AGO3: variants seen among roughly 807,000 people sequenced by gnomAD.
AGO3 encodes the protein argonaute RISC catalytic component 3, also known as protein argonaute-3.
Under a neutral mutation model 105.5 loss-of-function variants are expected in AGO3, and 16 were observed. The ratio of observed to expected loss-of-function variants is 0.15; its 90% CI spans 0.10 to 0.23. The LOEUF is 0.23. AGO3 is among the 10% of genes least tolerant of loss of function. The pLI is 1.00. For missense variants in AGO3, 534 were observed against 1,088.0 expected (o/e 0.49, Z 7.16); for synonymous variants, 340 against 367.3 (o/e 0.93, Z 0.85).
chr1:36,054,804 C>T (rs924422442), intron 17 of AGO3, 142 bp from the exon 18 acceptor site: 21 of 716,240 alleles, frequency 2.9e-5, no homozygotes, highest in Non-Finnish European at 4.7e-5. Context: ...ATCTTTTGAG[C>T]CCCAGAGGTG....
chr1:36,036,841 C>T (rs1642032359), intron 14 of AGO3, among the ~76,000 whole-genome samples: 1 of 152,038 alleles, frequency 6.6e-6, no homozygotes, highest in South Asian at 2.1e-4. Context: ...ATTACAGGCA[C>T]CTGCCACCAT....
chr1:35,935,122 A>T (rs764881750), intron 1 of AGO3, among the ~76,000 whole-genome samples: 3 of 152,214 alleles, frequency 2.0e-5, no homozygotes, highest in Non-Finnish European at 2.9e-5. Context: ...TAAAAAAAAT[A>T]TATTTATTGC....
At chr1:36,039,221 T>TGCGGTG (rs952028109) in intron 14 of AGO3, among the ~76,000 whole-genome samples, 4 of 151,950 alleles carry the variant, frequency 2.6e-5, no homozygotes, top group Admixed American at 6.6e-5. Flanking sequence ...GTAGGCTGGG[T>TGCGGTG]GCGGTGGCTC....
At chr1:36,044,601 T>G (rs1049746876) in intron 17 of AGO3, among the ~76,000 whole-genome samples, 1 of 151,802 alleles carries the variant, frequency 6.6e-6, no homozygotes, top group Non-Finnish European at 1.5e-5. Context: ...ACCCAGTAAT[T>G]TTTTTATTTT....
At chr1:35,979,130 C>T (rs865928042) in intron 5 of AGO3, among the ~76,000 whole-genome samples, 7 of 152,082 alleles carry the variant, frequency 4.6e-5, no homozygotes, top group Middle Eastern at 3.4e-3. Context: ...TTTGGGAGGC[C>T]GAGGCGGGCG....
intron 6 of AGO3, among the ~76,000 whole-genome samples, chr1:36,007,412 A>T (rs1208313971): frequency 6.6e-6 from 1 of 152,152 alleles, no homozygotes; most frequent in Non-Finnish European, 1.5e-5. Context: ...TAATTAAAAT[A>T]AAGGCCGGGC....
intron 2 of AGO3, among the ~76,000 whole-genome samples, chr1:35,958,875 T>C (rs716926): frequency 0.24 from 36,272 of 152,166 alleles, 7,145 homozygotes; most frequent in East Asian, 0.71. Flanking sequence ...TTTGTTATAC[T>C]TTAGCAATCT....
intron 2 of AGO3, among the ~76,000 whole-genome samples, chr1:35,966,745 C>G (rs766655706): frequency 2.0e-5 from 3 of 152,168 alleles, no homozygotes; most frequent in Non-Finnish European, 2.9e-5. Context: ...TCGCTTCATT[C>G]TTCTCTGTCT....
chr1:35,988,440 GCCTCAGC>G (rs1647316607), intron 5 of AGO3, among the ~76,000 whole-genome samples: 1 of 152,014 alleles, frequency 6.6e-6, no homozygotes, highest in Non-Finnish European at 1.5e-5. Flanking sequence ...CTCACCATTT[GCCTCAGC>G]CCTCAGCCCT....
intron 3 of AGO3, among the ~76,000 whole-genome samples, chr1:35,970,065 A>G (rs538542396): frequency 6.6e-6 from 1 of 151,984 alleles, no homozygotes; most frequent in African/African-American, 2.4e-5. Context: ...GGTTTATTTT[A>G]TGTTTTCTCT....
intron 3 of AGO3, among the ~76,000 whole-genome samples, chr1:35,971,635 C>T (rs1646873031): frequency 6.6e-6 from 1 of 151,874 alleles, no homozygotes; most frequent in Non-Finnish European, 1.5e-5. Context: ...TTTCTTTTTG[C>T]AGAAGTAAGC....
intron 5 of AGO3, among the ~76,000 whole-genome samples, chr1:35,994,466 C>T (rs1369983851): frequency 6.6e-6 from 1 of 152,102 alleles, no homozygotes; most frequent in Non-Finnish European, 1.5e-5. Flanking sequence ...CACTTTTGCC[C>T]TAAATTCAAG....
At chr1:36,006,097 G>A (rs896391306) in intron 6 of AGO3, among the ~76,000 whole-genome samples, 2 of 150,504 alleles carry the variant, frequency 1.3e-5, no homozygotes, top group Non-Finnish European at 3.0e-5. Flanking sequence ...TTCATTCCAA[G>A]TAAAATAGGG....
In AGO3 at chr1:36,063,954, C is replaced by T. The variant is rs79577897; in HGVS notation, c.*8209C>T. ...TAGAGATGGGGGTCACTATACTGCCCAGGCTGGTCTTGAACTCCTAAGCTC... is the reference window on the plus strand; with the variant it reads ...TAGAGATGGGGGTCACTATACTGCCTAGGCTGGTCTTGAACTCCTAAGCTC... On this transcript the variant is annotated 3_prime_UTR_variant, in exon 19 of 19. Coordinates refer to ENST00000373191, the MANE Select transcript of AGO3 (RefSeq NM_024852.4). 0.07 allele frequency: 10,602 copies of T among 152,250 alleles called. 1,741 individuals carry two copies. The highest frequency in any genetic ancestry group is 0.66 in the East Asian group (3,401 of 5,152). 9.4% of individuals were successfully genotyped at this position (152,250 alleles called of 1,614,324 possible).
At chr1:36,037,490 C>CA (rs1642063732) in intron 14 of AGO3, among the ~76,000 whole-genome samples, 1 of 151,932 alleles carries the variant, frequency 6.6e-6, no homozygotes, top group Non-Finnish European at 1.5e-5. Flanking sequence ...CACTGCACTC[C>CA]AGCCTGGGTG....
intron 4 of AGO3, 107 bp downstream of exon 4, chr1:35,972,339 C>A: frequency 1.6e-6 from 2 of 1,262,858 alleles, no homozygotes; most frequent in Non-Finnish European, 2.2e-6. Context: ...GATTGTTCAA[C>A]TGAAATGTTG....
At chr1:36,050,903 A>C (rs1052178371) in intron 17 of AGO3, among the ~76,000 whole-genome samples, 1 of 151,978 alleles carries the variant, frequency 6.6e-6, no homozygotes, top group East Asian at 1.9e-4. Context: ...CATGGCTCAC[A>C]GGAACCTTCG....
intron 11 of AGO3, among the ~76,000 whole-genome samples, chr1:36,016,927 G>A (rs1640934522): frequency 6.6e-6 from 1 of 152,046 alleles, no homozygotes; most frequent in Non-Finnish European, 1.5e-5. Context: ...CAAAACAATG[G>A]CCTCCCACAA....
intron 17 of AGO3, among the ~76,000 whole-genome samples, chr1:36,051,955 G>A (rs1413259840): frequency 1.3e-5 from 2 of 152,150 alleles, no homozygotes; most frequent in East Asian, 3.9e-4. Flanking sequence ...GAACTCATAT[G>A]CACTATTGGT....
Sources: allele counts gnomAD v4.1 joint callset (sites outside exome capture counted in the v4.1 genomes callset), GRCh38; gene constraint gnomAD v4.1.1; transcripts MANE v1.5; gene names NCBI Gene and HGNC (gene_info 2026-07-23, HGNC 2026-07-21).